CDK8: variants seen among roughly 807,000 people sequenced by gnomAD.
The protein encoded by CDK8 is cyclin-dependent kinase 8.
A neutral mutation model predicts 71.5 loss-of-function variants in CDK8; 29 were observed. The ratio of observed to expected loss-of-function variants is 0.41; its 90% CI spans 0.30 to 0.55. CDK8 has a LOEUF of 0.55. Among genes scored for constraint, CDK8 ranks in the 20% least tolerant of loss-of-function variants. The pLI, the probability that CDK8 is intolerant of heterozygous loss-of-function variation, is 0.37. For synonymous variants in CDK8, 161 were observed against 192.1 expected, an observed-to-expected ratio of 0.84 and a Z score of 1.34; for missense variants, 288 against 572.6, an observed-to-expected ratio of 0.50 and a Z score of 5.07.
intron 1 of CDK8, among the ~76,000 whole-genome samples, chr13:26,296,874 A>C (rs1463542598): frequency 2.0e-5 from 3 of 152,160 alleles, no homozygotes; most frequent in Non-Finnish European, 4.4e-5. Context: ...AGGACCTCTT[A>C]TTACTAAAAG....
intron 4 of CDK8, chr13:26,358,892 T>G (rs2138007262): frequency 5.7e-6 from 1 of 175,794 alleles, no homozygotes; most frequent in African/African-American, 2.4e-5. Context: ...CTGGGTGTGG[T>G]AGCATGCACC....
chr13:26,372,276 CAT>C, intron 4 of CDK8, among the ~76,000 whole-genome samples: 1 of 152,282 alleles, frequency 6.6e-6, no homozygotes, highest in Admixed American at 6.5e-5. Context: ...TATATACATT[CAT>C]TGCAAATTGA....
At chr13:26,270,509 G>T (rs540630086) in intron 1 of CDK8, among the ~76,000 whole-genome samples, 1 of 152,050 alleles carries the variant, frequency 6.6e-6, no homozygotes, top group East Asian at 1.9e-4. Flanking sequence ...CCCTCTAAAA[G>T]AAACCCCGTA....
At chr13:26,355,971 G>A (rs777121829) in intron 4 of CDK8, among the ~76,000 whole-genome samples, 7 of 152,058 alleles carry the variant, frequency 4.6e-5, no homozygotes, top group Non-Finnish European at 1.0e-4. Flanking sequence ...ACTTAGATTA[G>A]TATTAAGTAT....
intron 1 of CDK8, among the ~76,000 whole-genome samples, chr13:26,336,319 A>G (rs1270624483): frequency 1.3e-5 from 2 of 152,164 alleles, no homozygotes; most frequent in African/African-American, 4.8e-5. Context: ...TCTTTCAGAG[A>G]TGATCCAACA....
At chr13:26,369,619 C>A (rs1342078891) in intron 4 of CDK8, among the ~76,000 whole-genome samples, 3 of 145,722 alleles carry the variant, frequency 2.1e-5, no homozygotes, top group African/African-American at 7.6e-5. Flanking sequence ...AGCTCCGCTT[C>A]CTGGGTTCAT....
chr13:26,324,670 C>T (rs964518009), intron 1 of CDK8: 1 of 177,766 alleles, frequency 5.6e-6, no homozygotes, highest in Non-Finnish European at 1.1e-5. Flanking sequence ...TTGCCCATAT[C>T]TTCTAGCATG....
At chr13:26,337,675 C>T (rs1873051230) in intron 2 of CDK8, 33 bp downstream of exon 2, 9 of 1,048,698 alleles carry the variant, frequency 8.6e-6, no homozygotes, top group Non-Finnish European at 1.2e-5. Flanking sequence ...TCGTTATTAT[C>T]AACTGACTTA....
At chr13:26,270,287 G>T (rs1214701880) in intron 1 of CDK8, among the ~76,000 whole-genome samples, 1 of 151,582 alleles carries the variant, frequency 6.6e-6, no homozygotes, top group African/African-American at 2.4e-5. Flanking sequence ...TACTCAAGAG[G>T]CTGAGGCAGG....
intron 4 of CDK8, among the ~76,000 whole-genome samples, chr13:26,374,983 A>G: frequency 6.6e-6 from 1 of 152,166 alleles, no homozygotes; most frequent in East Asian, 1.9e-4. Context: ...GGACCTAGGA[A>G]CAACCTTAAT....
At chr13:26,287,435 C>T (rs793130) in intron 1 of CDK8, among the ~76,000 whole-genome samples, 143,961 of 152,310 alleles carry the variant, frequency 0.95, 68,079 homozygotes, top group East Asian at 1. Context: ...TGGATGGAGT[C>T]GGAGACCATT....
At chr13:26,308,007 AGTT>A (rs779651391) in intron 1 of CDK8, among the ~76,000 whole-genome samples, 9 of 152,182 alleles carry the variant, frequency 5.9e-5, no homozygotes, top group African/African-American at 1.7e-4. Flanking sequence ...GCAGATACAC[AGTT>A]GTTGTTGTTT....
rs17083914 is a variant in CDK8, at chr13:26,357,602, C to G, written c.456+3722C>G. ...ATAGTCCTGGTTCTGGTATTACCAT[C>G]TATACTGCTTAGGGTTCTCCAGAGA... is the stretch of plus-strand genomic sequence containing the variant. On this transcript the variant is annotated intron_variant, in intron 4 of 12. Coordinates refer to ENST00000381527, the MANE Select transcript of CDK8 (RefSeq NM_001260.3). Among the ~76,000 whole-genome samples the G allele has an allele frequency of 4.1e-3, 617 of 152,280 alleles. 5 individuals carry two copies. The highest frequency in any genetic ancestry group is 0.014 in the African/African-American group (566 of 41,556).
At chr13:26,285,112 G>A (rs1332984537) in intron 1 of CDK8, among the ~76,000 whole-genome samples, 1 of 152,062 alleles carries the variant, frequency 6.6e-6, no homozygotes, top group Non-Finnish European at 1.5e-5. Context: ...GGTGGCACAC[G>A]CCTGTAATTC....
At chr13:26,315,235 C>CAT (rs1165462179) in intron 1 of CDK8, among the ~76,000 whole-genome samples, 2 of 152,082 alleles carry the variant, frequency 1.3e-5, no homozygotes, top group African/African-American at 4.8e-5. Flanking sequence ...ATATAAAGAT[C>CAT]ATAGATATGT....
At chr13:26,344,524 G>A (rs1009332131) in intron 2 of CDK8, among the ~76,000 whole-genome samples, 1 of 152,154 alleles carries the variant, frequency 6.6e-6, no homozygotes, top group South Asian at 2.1e-4. Context: ...GTTTTGGGAG[G>A]CCGAGGTGGA....
At chr13:26,385,482 C>A in intron 6 of CDK8, 140 bp downstream of exon 6, 1 of 646,442 alleles carries the variant, frequency 1.5e-6, no homozygotes, top group Non-Finnish European at 2.4e-6. Context: ...TGCCTGTAAT[C>A]CAAGCACTTT....
At chr13:26,304,877 C>T (rs993721510) in intron 1 of CDK8, among the ~76,000 whole-genome samples, 2 of 151,762 alleles carry the variant, frequency 1.3e-5, no homozygotes, top group Admixed American at 1.3e-4. Context: ...CTATGTAGCC[C>T]AGGCCAATCT....
chr13:26,312,263 A>G (rs1874319783), intron 1 of CDK8, among the ~76,000 whole-genome samples: 1 of 152,184 alleles, frequency 6.6e-6, no homozygotes, highest in South Asian at 2.1e-4. Context: ...GGGACAAATA[A>G]GTTAATAAAA....
Sources: allele counts gnomAD v4.1 joint callset (sites outside exome capture counted in the v4.1 genomes callset), GRCh38; gene constraint gnomAD v4.1.1; transcripts MANE v1.5; gene names NCBI Gene and HGNC (gene_info 2026-07-23, HGNC 2026-07-21).